Variants in MATCAP1 observed in about 807,000 individuals in gnomAD.
The protein encoded by MATCAP1 is microtubule-associated tyrosine carboxypeptidase 1.
At chr16:67,178,040 G>C in the MATCAP1 span, 2 of 1,614,202 alleles carry the variant, frequency 1.2e-6, no homozygotes, top group Non-Finnish European at 1.7e-6. Flanking sequence ...ACGGGAAATC[G>C]ATGGTCTGGC....
chr16:67,179,441 C>T, the MATCAP1 span: 73 of 1,610,748 alleles, frequency 4.5e-5, no homozygotes, highest in Non-Finnish European at 5.4e-5. The surrounding 1 kb of genome is among the most constrained non-coding windows in gnomAD (Gnocchi z 5.2). Flanking sequence ...TATCTCATGC[C>T]GCAGCATGCC....
chr16:67,182,037 G>C, the MATCAP1 span, among the ~76,000 whole-genome samples: 1 of 152,164 alleles, frequency 6.6e-6, no homozygotes. Context: ...GATCACCTGA[G>C]GTCGGGAGTT....
the MATCAP1 span, chr16:67,178,689 G>A: frequency 1.4e-6 from 1 of 711,732 alleles, no homozygotes; most frequent in South Asian, 1.5e-5. Context: ...CTCCTCCTGT[G>A]GACTCGCACC....
the MATCAP1 span, among the ~76,000 whole-genome samples, chr16:67,180,917 A>G: frequency 4.6e-5 from 7 of 152,176 alleles, no homozygotes; most frequent in Non-Finnish European, 8.8e-5. Flanking sequence ...GGTGGAGTGC[A>G]GTGCAATGAT....
chr16:67,178,317 G>A, the MATCAP1 span: 1 of 1,582,450 alleles, frequency 6.3e-7, no homozygotes, highest in Middle Eastern at 1.7e-4. Context: ...ACATGCGCGC[G>A]GCGCGGTGGA....
At chr16:67,181,616 T>C in the MATCAP1 span, 1 of 152,304 alleles carries the variant, frequency 6.6e-6, no homozygotes, top group East Asian at 1.9e-4. Flanking sequence ...TTCCAGCATT[T>C]CTCCTCTCTC....
chr16:67,176,769 G>A, the MATCAP1 span: 3 of 1,491,830 alleles, frequency 2.0e-6, no homozygotes, highest in East Asian at 5.0e-5. This position sits in a 1 kb window ranked among gnomAD's most constrained non-coding sequence, Gnocchi z 4.3. Context: ...GGCCTATCTG[G>A]AGCTTCTGTC....
chr16:67,179,723 G>C, the MATCAP1 span: 1 of 1,563,542 alleles, frequency 6.4e-7, no homozygotes, highest in South Asian at 1.1e-5. The surrounding 1 kb of genome is among the most constrained non-coding windows in gnomAD (Gnocchi z 5.2). Flanking sequence ...GGCAGGGGCA[G>C]GGGTGGGTCA....
the MATCAP1 span, chr16:67,176,854 T>C: frequency 1.2e-6 from 2 of 1,608,522 alleles, no homozygotes; most frequent in Non-Finnish European, 1.7e-6. The surrounding 1 kb of genome is among the most constrained non-coding windows in gnomAD (Gnocchi z 4.3). Context: ...ATCCAGCCGG[T>C]TGGTGGCCAT....
the MATCAP1 span, among the ~76,000 whole-genome samples, chr16:67,177,645 C>T: frequency 6.6e-6 from 1 of 152,196 alleles, no homozygotes; most frequent in South Asian, 2.1e-4. Context: ...CTGCTTAAAG[C>T]TCCTCTCACT....
At chr16:67,179,397 C>A in the MATCAP1 span, 4 of 1,576,464 alleles carry the variant, frequency 2.5e-6, no homozygotes, top group Non-Finnish European at 2.6e-6. The surrounding 1 kb of genome is among the most constrained non-coding windows in gnomAD (Gnocchi z 5.2). Context: ...CCCTTTCATG[C>A]CTACCCATCT....
chr16:67,178,674 A>G, the MATCAP1 span: 5 of 727,090 alleles, frequency 6.9e-6, no homozygotes, highest in African/African-American at 1.7e-5. Flanking sequence ...GGCAGCGTGA[A>G]GCTCCTCCTC....
the MATCAP1 span, chr16:67,178,590 C>T: frequency 5.7e-6 from 7 of 1,235,178 alleles, no homozygotes; most frequent in Non-Finnish European, 8.0e-6. Context: ...TTCCATCTGG[C>T]CGGGGCTCTG....
chr16:67,179,107 C>T, the MATCAP1 span: 2 of 1,191,574 alleles, frequency 1.7e-6, no homozygotes, highest in Non-Finnish European at 2.1e-6. This position sits in a 1 kb window ranked among gnomAD's most constrained non-coding sequence, Gnocchi z 5.2. Context: ...CCTGGTGGGA[C>T]CCTGAGGGTT....
the MATCAP1 span, chr16:67,179,361 C>A: frequency 1.3e-6 from 2 of 1,535,864 alleles, no homozygotes; most frequent in South Asian, 1.2e-5. The surrounding 1 kb of genome is among the most constrained non-coding windows in gnomAD (Gnocchi z 5.2). Flanking sequence ...GGGGCCCCTC[C>A]TTCCCACCCC....
chr16:67,179,968 G>A, the MATCAP1 span: 1 of 1,614,132 alleles, frequency 6.2e-7, no homozygotes, highest in Non-Finnish European at 8.5e-7. This position sits in a 1 kb window ranked among gnomAD's most constrained non-coding sequence, Gnocchi z 5.2. Context: ...CCTGTACACG[G>A]GGCCACAGTG....
the MATCAP1 span, chr16:67,179,861 C>A: frequency 1.2e-6 from 2 of 1,614,094 alleles, no homozygotes; most frequent in Admixed American, 3.3e-5. The surrounding 1 kb of genome is among the most constrained non-coding windows in gnomAD (Gnocchi z 5.2). Flanking sequence ...CACAATCGAC[C>A]ATATCTGGCA....
At chr16:67,179,775 T>G in the MATCAP1 span, 1 of 1,610,036 alleles carries the variant, frequency 6.2e-7, no homozygotes, top group Non-Finnish European at 8.5e-7. This position sits in a 1 kb window ranked among gnomAD's most constrained non-coding sequence, Gnocchi z 5.2. Context: ...GACACCCTGA[T>G]TTGGGGCATG....
chr16:67,178,519 A>C, the MATCAP1 span: 1 of 1,519,420 alleles, frequency 6.6e-7, no homozygotes. Flanking sequence ...GGGGAAGGCG[A>C]GGGGAGGCGG....
Sources: allele counts gnomAD v4.1 joint callset (sites outside exome capture counted in the v4.1 genomes callset), GRCh38; gene constraint gnomAD v4.1.1; non-coding constraint Gnocchi (gnomAD v3.1); transcripts MANE v1.5; gene names NCBI Gene and HGNC (gene_info 2026-07-23, HGNC 2026-07-21).